The following NPAS3 variants were observed in gnomAD, a reference collection of about 807,000 sequenced individuals.
The protein encoded by NPAS3 is neuronal PAS domain-containing protein 3.
In NPAS3, 14 loss-of-function variants were observed where a neutral mutation model predicts 73.1. The observed-to-expected ratio is 0.19, with a 90% CI of 0.13 to 0.30. The LOEUF is 0.30. Among genes scored for constraint, NPAS3 ranks in the 10% least tolerant of loss-of-function variants. The pLI is 1.00. For missense variants in NPAS3, 1,096 were observed against 1,250.0 expected (o/e 0.88, Z 1.86); for synonymous variants, 620 against 541.5 (o/e 1.14, Z -2.01).
intron 4 of NPAS3, among the ~76,000 whole-genome samples, chr14:33,405,955 G>T (rs893592260): frequency 6.6e-6 from 1 of 151,854 alleles, no homozygotes; most frequent in Non-Finnish European, 1.5e-5. Context: ...TGCCCTGAGG[G>T]GAAAAAAGCG....
chr14:33,049,433 G>A (rs1256906347), intron 1 of NPAS3, among the ~76,000 whole-genome samples: 1 of 152,182 alleles, frequency 6.6e-6, no homozygotes, highest in Admixed American at 6.5e-5. Flanking sequence ...GTTCCACATG[G>A]CTGGGGAAGC....
rs571831122 is a variant in NPAS3, at chr14:33,539,919, A to C, written c.469-20202A>C. Among the ~76,000 whole-genome samples the C allele has an allele frequency of 9.2e-5, 14 of 152,206 alleles. No individual in the cohort carries two copies. The South Asian group carries it at 2.9e-3, about 32-fold the overall frequency. ...GTACTAATTCCCCTAAACTTCTTTAAATTTCCTCAAACTTGACCTTTGAAC... is the reference window on the plus strand; with the variant it reads ...GTACTAATTCCCCTAAACTTCTTTACATTTCCTCAAACTTGACCTTTGAAC... On this transcript the variant is annotated intron_variant, in intron 4 of 11. Transcript: ENST00000356141.
At chr14:33,543,945 G>GC (rs1314092968) in intron 4 of NPAS3, among the ~76,000 whole-genome samples, 30 of 63,196 alleles carry the variant, frequency 4.7e-4, no homozygotes, top group African/African-American at 1.8e-3. Context: ...ATGGCAAAGT[G>GC]CATATATATA....
At chr14:33,374,712 G>C (rs1428284245) in intron 4 of NPAS3, among the ~76,000 whole-genome samples, 1 of 148,162 alleles carries the variant, frequency 6.7e-6, no homozygotes, top group South Asian at 2.2e-4. Flanking sequence ...GGCGGGGGGG[G>C]GAGTAGAGAA....
chr14:33,501,286 C>T (rs2052500639), intron 4 of NPAS3, among the ~76,000 whole-genome samples: 1 of 151,860 alleles, frequency 6.6e-6, no homozygotes, highest in African/African-American at 2.4e-5. Context: ...GAGCAATACC[C>T]TCTTTATGGT....
At chr14:33,534,095 A>C (rs983650160) in intron 4 of NPAS3, among the ~76,000 whole-genome samples, 6 of 152,072 alleles carry the variant, frequency 3.9e-5, no homozygotes, top group African/African-American at 1.4e-4. Context: ...GTCATAATCT[A>C]ATATATAATC....
chr14:33,130,626 A>C (rs2043601055), intron 2 of NPAS3, among the ~76,000 whole-genome samples: 1 of 152,178 alleles, frequency 6.6e-6, no homozygotes. Flanking sequence ...GGGCAAAATA[A>C]CTTTTATAAC....
exon 12 of NPAS3, chr14:33,799,777 C>A (rs374909389): frequency 1.2e-6 from 2 of 1,603,966 alleles, no homozygotes; most frequent in South Asian, 1.1e-5. Flanking sequence ...GGAACCAGTC[C>A]GAGAACAGCG....
chr14:33,606,582 T>TA (rs1413555276), intron 5 of NPAS3, among the ~76,000 whole-genome samples: 1 of 152,028 alleles, frequency 6.6e-6, no homozygotes, highest in Non-Finnish European at 1.5e-5. Flanking sequence ...ATTCACCATA[T>TA]AAAAAAATTA....
chr14:33,608,657 T>G (rs543780759), intron 5 of NPAS3: 1 of 152,322 alleles, frequency 6.6e-6, no homozygotes, highest in African/African-American at 2.4e-5. Context: ...AGCTTTTTTT[T>G]TAAGTTTAGG....
At chr14:33,644,816 C>T (rs961787720) in intron 5 of NPAS3, among the ~76,000 whole-genome samples, 2 of 152,118 alleles carry the variant, frequency 1.3e-5, no homozygotes, top group South Asian at 2.1e-4. Flanking sequence ...GATGTGGTGG[C>T]TCATGCCTGT....
At chr14:33,224,038 A>C (rs1390622318) in intron 3 of NPAS3, among the ~76,000 whole-genome samples, 1 of 152,142 alleles carries the variant, frequency 6.6e-6, no homozygotes, top group East Asian at 1.9e-4. Context: ...TAGGGAACAC[A>C]CTTATATTCT....
At chr14:33,601,329 G>T (rs2057392491) in intron 5 of NPAS3, among the ~76,000 whole-genome samples, 1 of 152,186 alleles carries the variant, frequency 6.6e-6, no homozygotes, top group African/African-American at 2.4e-5. Context: ...GCCCCAGGTT[G>T]GCAAATCCAA....
intron 5 of NPAS3, among the ~76,000 whole-genome samples, chr14:33,659,245 A>G (rs1012930074): frequency 6.6e-6 from 1 of 152,206 alleles, no homozygotes; most frequent in Non-Finnish European, 1.5e-5. Flanking sequence ...TGACCACAGG[A>G]AGGTAGATGC....
At chr14:33,179,778 G>T (rs537740606) in intron 2 of NPAS3, among the ~76,000 whole-genome samples, 18 of 152,262 alleles carry the variant, frequency 1.2e-4, no homozygotes, top group African/African-American at 4.3e-4. Flanking sequence ...AGGAATGGAT[G>T]GGAAAAATAT....
chr14:33,199,006 G>A (rs895272177), intron 2 of NPAS3, among the ~76,000 whole-genome samples: 7 of 152,272 alleles, frequency 4.6e-5, no homozygotes, highest in African/African-American at 1.4e-4. Context: ...GTCCGTGGCC[G>A]GCGGTGCCGG....
intron 2 of NPAS3, among the ~76,000 whole-genome samples, chr14:33,121,299 T>C (rs933614876): frequency 6.6e-6 from 1 of 152,164 alleles, no homozygotes; most frequent in African/African-American, 2.4e-5. Flanking sequence ...AGTTCCTACG[T>C]CTTTGAGATA....
At chr14:33,015,204 G>A (rs1388414228) in intron 1 of NPAS3, among the ~76,000 whole-genome samples, 1 of 152,094 alleles carries the variant, frequency 6.6e-6, no homozygotes, top group African/African-American at 2.4e-5. Flanking sequence ...CTAAAGTTCT[G>A]GATTCTAACT....
intron 5 of NPAS3, among the ~76,000 whole-genome samples, chr14:33,562,374 T>A (rs2055692180): frequency 6.6e-6 from 1 of 152,168 alleles, no homozygotes; most frequent in African/African-American, 2.4e-5. Flanking sequence ...TCTTGACTTA[T>A]CCAGGGGCAG....
Sources: allele counts gnomAD v4.1 joint callset (sites outside exome capture counted in the v4.1 genomes callset), GRCh38; gene constraint gnomAD v4.1.1; transcripts MANE v1.5; gene names NCBI Gene and HGNC (gene_info 2026-07-23, HGNC 2026-07-21).